The following RASEF variants were observed in gnomAD, a reference collection of about 807,000 sequenced individuals.
The protein encoded by RASEF is ras and EF-hand domain-containing protein.
In RASEF, 68 loss-of-function variants were observed where a neutral mutation model predicts 90.1. The ratio of observed to expected loss-of-function variants is 0.75; its 90% CI spans 0.62 to 0.92. The LOEUF (loss-of-function observed/expected upper bound fraction) is 0.92, where lower values mean the gene tolerates loss of function less well. Ranked by LOEUF, RASEF falls within the 40% of genes least tolerant of loss-of-function variation. The probability of loss-of-function intolerance (pLI) is 0.00; values close to 1 mark genes in which losing one functional copy is unlikely to be tolerated. For missense variants in RASEF, 949 were observed against 937.2 expected, an observed-to-expected ratio of 1.01 and a Z score of -0.16; for synonymous variants, 331 against 345.2, an observed-to-expected ratio of 0.96 and a Z score of 0.46.
rs140862023 is a variant in RASEF, at chr9:83,055,646, C to T, written c.431+6791G>A. ...GCACACAGTGTTATGAGATGCCTCA[C>T]GAACACAAATGCAGGTTTTGAAATT... On this transcript the variant is annotated intron_variant, in intron 1 of 16. Coordinates refer to ENST00000376447, the MANE Select transcript of RASEF (RefSeq NM_152573.4). 4 of 717,944 alleles carry T rather than the reference C, an allele frequency of 5.6e-6. No homozygotes were observed. The East Asian group carries it at 8.0e-5, about 14-fold the overall frequency. 44.5% of individuals were successfully genotyped at this position (717,944 alleles called of 1,614,324 possible).
At chr9:83,216,326 A>C in the RASEF span, among the ~76,000 whole-genome samples, 139 of 152,164 alleles carry the variant, frequency 9.1e-4, no homozygotes, top group African/African-American at 3.2e-3. Flanking sequence ...TAGGAGGAAA[A>C]AATGATTTCC....
At chr9:82,990,619 T>A in intron 15 of RASEF, 152 bp from the exon 16 acceptor site, 1 of 549,218 alleles carries the variant, frequency 1.8e-6, no homozygotes, top group Non-Finnish European at 3.2e-6. Flanking sequence ...TTCCAGTACT[T>A]ACAAAGAAAA....
At chr9:83,190,703 A>C in the RASEF span, among the ~76,000 whole-genome samples, 2 of 152,214 alleles carry the variant, frequency 1.3e-5, no homozygotes, top group African/African-American at 2.4e-5. Flanking sequence ...ACCTGCATTA[A>C]ATCACTTGTT....
At chr9:83,084,741 T>G in the RASEF span, among the ~76,000 whole-genome samples, 2 of 152,208 alleles carry the variant, frequency 1.3e-5, no homozygotes, top group African/African-American at 4.8e-5. Flanking sequence ...CTCTTAAAGC[T>G]ACATCCATTT....
At chr9:83,002,450 C>T (rs567610308) in intron 9 of RASEF, among the ~76,000 whole-genome samples, 8 of 151,120 alleles carry the variant, frequency 5.3e-5, no homozygotes, top group South Asian at 2.1e-4. Flanking sequence ...TGCATGTGTG[C>T]GTGTGTGTGT....
the RASEF span, among the ~76,000 whole-genome samples, chr9:83,196,154 T>A: frequency 1.3e-5 from 2 of 152,002 alleles, no homozygotes; most frequent in African/African-American, 4.8e-5. Flanking sequence ...ATCAATTGGA[T>A]CAAGTGGAAT....
At chr9:82,995,498 G>A (rs987610480) in intron 14 of RASEF, among the ~76,000 whole-genome samples, 9 of 152,110 alleles carry the variant, frequency 5.9e-5, no homozygotes, top group Non-Finnish European at 1.3e-4. Context: ...AGGCTGGAGT[G>A]CAGTAGCACA....
At chr9:83,048,875 T>A in intron 1 of RASEF, 1 of 598,030 alleles carries the variant, frequency 1.7e-6, no homozygotes, top group Non-Finnish European at 2.1e-6. Context: ...ACGCCTGTCA[T>A]CCCAACACTT....
In RASEF at chr9:82,997,065, C is replaced by T. The variant is rs1828934855; in HGVS notation, c.1867G>A (p.Val623Ile). Residue 623 changes from valine to isoleucine, a missense_variant, in exon 14 of 17, where the codon GTT becomes ATT. Physicochemically the swap from Val to Ile is conservative, Grantham distance 29. This residue lies in a region of RASEF where 288 missense variants were observed against 328.4 expected (regional missense o/e 0.88). Transcript: ENST00000376447. ...KADGVLLLYD[V>I]TCEKSFLNIR... ...TTAAGAAAGCTTTTCTCACATGTAA[C>T]ATCATACAGCAGCAAAACACCATCT... 4 of 1,613,542 alleles carry T rather than the reference C, an allele frequency of 2.5e-6. No individual in the cohort carries two copies. The highest frequency in any genetic ancestry group is 3.4e-6 in the Non-Finnish European group (4 of 1,179,498).
intron 1 of RASEF, chr9:83,048,076 C>A (rs1829964475): frequency 1.0e-6 from 1 of 979,330 alleles, no homozygotes; most frequent in Admixed American, 6.2e-5. Context: ...AGCAGAGGCT[C>A]TTACTGGCCG....
At chr9:82,987,163 T>C (rs1828724035) in intron 16 of RASEF, among the ~76,000 whole-genome samples, 1 of 152,236 alleles carries the variant, frequency 6.6e-6, no homozygotes, top group Admixed American at 6.5e-5. Context: ...TAATTTTACC[T>C]GTGGAGACTA....
At chr9:83,217,859 A>T in the RASEF span, among the ~76,000 whole-genome samples, 29,538 of 152,126 alleles carry the variant, frequency 0.19, 2,981 homozygotes, top group Admixed American at 0.25. Context: ...GGGGGATAAA[A>T]TATCTTAGGT....
chr9:83,053,564 T>C (rs1385675804), intron 1 of RASEF, among the ~76,000 whole-genome samples: 2 of 126,236 alleles, frequency 1.6e-5, no homozygotes, highest in African/African-American at 3.7e-5. Context: ...AATATTGTTA[T>C]GTGTGAATTT....
the RASEF span, among the ~76,000 whole-genome samples, chr9:83,110,922 A>G: frequency 6.6e-6 from 1 of 152,086 alleles, no homozygotes; most frequent in African/African-American, 2.4e-5. Flanking sequence ...AGAAACATCA[A>G]ACATGAATTT....
the RASEF span, among the ~76,000 whole-genome samples, chr9:83,102,372 A>G: frequency 1.1e-4 from 16 of 152,324 alleles, 1 homozygote; most frequent in South Asian, 1.7e-3. Context: ...GAGCAGAAAC[A>G]AAAAGGCAAA....
chr9:83,072,793 G>T, the RASEF span, among the ~76,000 whole-genome samples: 971 of 152,260 alleles, frequency 6.4e-3, 12 homozygotes, highest in African/African-American at 0.022. Context: ...TTGAGGGTGG[G>T]TCTGCCTCTC....
At chr9:83,164,730 T>G in the RASEF span, among the ~76,000 whole-genome samples, 1 of 151,482 alleles carries the variant, frequency 6.6e-6, no homozygotes, top group Non-Finnish European at 1.5e-5. Flanking sequence ...AATGTACCAA[T>G]TAAAAGAGAT....
At chr9:83,191,851 T>C in the RASEF span, among the ~76,000 whole-genome samples, 2 of 152,218 alleles carry the variant, frequency 1.3e-5, no homozygotes, top group Non-Finnish European at 2.9e-5. Flanking sequence ...ATACAGGAAC[T>C]TTCTGTAGTA....
the RASEF span, among the ~76,000 whole-genome samples, chr9:83,132,611 T>C: frequency 3.3e-5 from 5 of 152,316 alleles, no homozygotes; most frequent in Non-Finnish European, 5.9e-5. Flanking sequence ...CCAAACTCTA[T>C]AGATTTTTGC....
Sources: gnomAD v4.1 joint callset for allele counts (sites outside exome capture counted in the v4.1 genomes callset) on GRCh38, gnomAD v4.1.1 for gene constraint, gnomAD v4.1.1 regional missense constraint, MANE v1.5 for transcripts, NCBI Gene and HGNC (gene_info 2026-07-23, HGNC 2026-07-21) for gene names.